Variants in LIG3 observed in about 807,000 individuals in gnomAD.
LIG3 encodes the protein ligase II, DNA, ATP-dependent.
In LIG3, 58 loss-of-function variants were observed where a neutral mutation model predicts 110.9. That is an observed-to-expected ratio of 0.52 (90% CI 0.42 to 0.65). LIG3 has a LOEUF of 0.65. LIG3 is among the 30% of genes least tolerant of loss of function. The pLI is 0.00. For missense variants in LIG3, 1,094 were observed against 1,273.8 expected (o/e 0.86, Z 2.15); for synonymous variants, 422 against 472.8 (o/e 0.89, Z 1.39).
chr17:35,009,418 A>G lies in LIG3; in HGVS notation c.*4912A>G, dbSNP rs1302511668. The G allele has an allele frequency of 6.6e-6, 1 of 152,228 alleles. No homozygotes were observed. Among genetic ancestry groups the G allele is most frequent in the Non-Finnish European group, 1.5e-5 (1 of 68,044 alleles). The allele number at this position is 152,228 out of a possible 1,614,324, so 9.4% of individuals were successfully genotyped here. Reference sequence around the variant, plus strand: ...CAGAGTAATCAGCAAAAGCTACGGAATAATTCTAAGAATTAGATGTTTCCA... The same window carrying G: ...CAGAGTAATCAGCAAAAGCTACGGAGTAATTCTAAGAATTAGATGTTTCCA... On this transcript the variant is annotated 3_prime_UTR_variant, in exon 20 of 20. Coordinates refer to ENST00000378526, the MANE Select transcript of LIG3 (RefSeq NM_013975.4).
At position 34,991,122 on chromosome 17, in the gene LIG3, G is replaced by T; in HGVS notation, c.1041+8G>T. ...GCACGGGACCTAGAGCAGGTCAGAG[G>T]AACGGGAGGGAGGGTAGGCTACATT... On this transcript the variant is annotated splice_region_variant and intron_variant, in intron 5 of 19. Coordinates refer to ENST00000378526, the MANE Select transcript of LIG3 (RefSeq NM_013975.4). The T allele has an allele frequency of 6.2e-7, 1 of 1,613,690 alleles. No individual in the cohort carries two copies. The highest frequency in any genetic ancestry group is 1.1e-5 in the South Asian group (1 of 91,046).
chr17:35,003,737 C>G lies in LIG3; in HGVS notation c.2797-536C>G, dbSNP rs3136033. ...GATTGACACCCATGTCATTGCGCCC[C>G]CACGCTCCCCACCGCCATCCAGGAG... On this transcript the variant is annotated intron_variant, in intron 19 of 19. Coordinates refer to ENST00000378526, the MANE Select transcript of LIG3 (RefSeq NM_013975.4). 461 of 157,880 alleles carry G rather than the reference C, an allele frequency of 2.9e-3. 2 individuals carry two copies. Among genetic ancestry groups the G allele is most frequent in the Non-Finnish European group, 4.8e-3 (340 of 71,390 alleles). The allele number at this position is 157,880 out of a possible 1,614,324, so 9.8% of individuals were successfully genotyped here.
At position 34,992,645 on chromosome 17, in the gene LIG3, G is replaced by A; in HGVS notation, c.1408G>A (p.Ala470Thr). 1 of 1,613,044 alleles carries A rather than the reference G, an allele frequency of 6.2e-7. No homozygotes were observed. The highest frequency in any genetic ancestry group is 1.1e-5 in the South Asian group (1 of 90,934). ...GGAGAAGGAGCCGGGCCAGAGACGA[G>A]CTCTGAGCGTCCAGGCCTCGCTGAT... ...EVEKEPGQRR[A>T]LSVQASLMTP... Residue 470 changes from alanine (A) to threonine (T), a missense_variant, in exon 8 of 20, where the codon GCT becomes ACT. Ala to Thr is a moderately conservative substitution (Grantham distance 58, BLOSUM62 0). Transcript: ENST00000378526.
chr17:34,989,372 C>A, intron 3 of LIG3, 94 bp from the exon 4 acceptor site: 1 of 1,149,256 alleles, frequency 8.7e-7, no homozygotes, highest in South Asian at 1.4e-5. Flanking sequence ...TTAAATAAAG[C>A]TAAATACCAG....
Position 35,006,571 on chromosome 17 carries a change from A to C in LIG3, c.*2065A>C, listed in dbSNP as rs547124436. ...GTTGGGAACGTCACTCCTGGTGTGC[A>C]TGTCCAGACCCTACCCGGGAGAAGG... On this transcript the variant is annotated 3_prime_UTR_variant, in exon 20 of 20. Transcript: ENST00000378526. The C allele has an allele frequency of 6.6e-6, 1 of 152,256 alleles. No homozygotes were observed. The highest frequency in any genetic ancestry group is 1.5e-5 in the Non-Finnish European group (1 of 68,080). The allele number at this position is 152,256 out of a possible 1,614,324, so 9.4% of individuals were successfully genotyped here. A position where few individuals can be genotyped will look rare whatever the true frequency, so the allele number is the denominator to read the frequency against.
At chr17:34,991,185 C>G (rs965377911) in intron 5 of LIG3, 71 bp downstream of exon 5, 1 of 1,139,598 alleles carries the variant, frequency 8.8e-7, no homozygotes, top group Admixed American at 2.5e-5. Flanking sequence ...CCTGCAGCCT[C>G]TTTTTTTTTT....
In LIG3 at chr17:34,980,556, G is replaced by T; in HGVS notation, c.-71G>T. The T allele has an allele frequency of 7.8e-7, 1 of 1,287,730 alleles. No individual in the cohort carries two copies. Among genetic ancestry groups the T allele is most frequent in the Non-Finnish European group, 1.0e-6 (1 of 987,832 alleles). The allele number at this position is 1,287,730 out of a possible 1,614,324, so 79.8% of individuals were successfully genotyped here. ...AAGAGACAGGCGCTCCAACCGTCGTGGGCTGCCCGCGGCCTGTAATGAGCA... is the reference window on the plus strand; with the variant it reads ...AAGAGACAGGCGCTCCAACCGTCGTTGGCTGCCCGCGGCCTGTAATGAGCA... On this transcript the variant is annotated 5_prime_UTR_variant, in exon 1 of 20. Coordinates refer to ENST00000378526, the MANE Select transcript of LIG3 (RefSeq NM_013975.4).
At position 34,999,822 on chromosome 17, in the gene LIG3, TCTA is replaced by T. The variant is rs755094217; in HGVS notation, c.2301_2303del (p.Tyr768del). The T allele has an allele frequency of 2.5e-5, 40 of 1,614,112 alleles. No individual in the cohort carries two copies. The highest frequency in any genetic ancestry group is 3.1e-5 in the Non-Finnish European group (37 of 1,180,012). On this transcript the variant is annotated inframe_deletion, in exon 16 of 20. Transcript: ENST00000378526. The stretch of plus-strand genomic sequence containing the variant: ...CCCAGCTGGTTGAAGGTCAACAAGA[TCTA>T]CTATCCTGACTTCATCGTCCCAGAC...
chr17:34,991,758 G>A lies in LIG3; in HGVS notation c.1129G>A (p.Val377Met), dbSNP rs753141423. The A allele has an allele frequency of 1.2e-5, 19 of 1,613,980 alleles. No homozygotes were observed. The Admixed American group carries it at 3.2e-4, about 27-fold the overall frequency. The change falls in exon 6 of 20, where the codon GTG becomes ATG. Residue 377 changes from valine (V) to methionine (M), a missense_variant. Val to Met is a conservative substitution (Grantham distance 21, BLOSUM62 1). Transcript: ENST00000378526. ...CAAGAGCCTCCTTACCATCCAGGAA[G>A]TGGATGAGTTCCTTCTGCGGCTGTC... is the stretch of plus-strand genomic sequence containing the variant. Reference protein sequence around the residue: ...AAKSLLTIQEVDEFLLRLSKL... With the variant: ...AAKSLLTIQEMDEFLLRLSKL...
chr17:35,002,187 C>T (rs1451359152), intron 18 of LIG3, 83 bp downstream of exon 18: 5 of 1,194,868 alleles, frequency 4.2e-6, no homozygotes, highest in Non-Finnish European at 4.6e-6. Flanking sequence ...GTCTCACATT[C>T]CAGCCCTGAG....
chr17:34,986,159 G>C (rs752963351), intron 3 of LIG3, 28 bp downstream of exon 3: 3 of 1,607,694 alleles, frequency 1.9e-6, no homozygotes, highest in Non-Finnish European at 2.6e-6. Context: ...TACTTTAGCT[G>C]TTATAGTGCT....
Position 35,008,675 on chromosome 17 carries a change from A to G in LIG3, c.*4169A>G, listed in dbSNP as rs2090914227. ...GAGACAGAGTCTCGCTCTTTCGCCC[A>G]GGCCGGACTGCAGTGGCGCAATCTT... On this transcript the variant is annotated 3_prime_UTR_variant, in exon 20 of 20. Coordinates refer to ENST00000378526, the MANE Select transcript of LIG3 (RefSeq NM_013975.4). 6.6e-6 allele frequency: 1 copy of G among 151,850 alleles called. No homozygotes were observed. Among genetic ancestry groups the G allele is most frequent in the South Asian group, 2.1e-4 (1 of 4,816 alleles). The allele number at this position is 151,850 out of a possible 1,614,324, so 9.4% of individuals were successfully genotyped here. A position where few individuals can be genotyped will look rare whatever the true frequency, so the allele number is the denominator to read the frequency against.
intron 1 of LIG3, chr17:34,981,409 T>TCA (rs1241810696): frequency 6.6e-6 from 1 of 152,230 alleles, no homozygotes; most frequent in African/African-American, 2.4e-5. Context: ...TTTGTGAATA[T>TCA]CACGAAAGTG....
chr17:34,981,492 C>G (rs1448853716), intron 1 of LIG3: 1 of 152,214 alleles, frequency 6.6e-6, no homozygotes, highest in African/African-American at 2.4e-5. Flanking sequence ...GAGCTCAGAA[C>G]AGCCTCCCTC....
At chr17:34,999,955 C>A in intron 16 of LIG3, 99 bp downstream of exon 16, 1 of 935,546 alleles carries the variant, frequency 1.1e-6, no homozygotes, top group Non-Finnish European at 1.7e-6. Flanking sequence ...AAAGTCCACC[C>A]AGGGATAGGG....
chr17:35,001,238 G>T lies in LIG3; in HGVS notation c.2332-19G>T, dbSNP rs769733262. 2 of 1,611,746 alleles carry T rather than the reference G, an allele frequency of 1.2e-6. No homozygotes were observed. Among genetic ancestry groups the T allele is most frequent in the Non-Finnish European group, 1.7e-6 (2 of 1,178,038 alleles). On this transcript the variant is annotated intron_variant, in intron 16 of 19. Transcript: ENST00000378526. ...CTATCTTCTTAACCAGTGATGACCT[G>T]CTGGCTTACTCCTGACAGAAAGCTG... is the stretch of plus-strand genomic sequence containing the variant.
chr17:34,994,503 C>A, intron 9 of LIG3, 72 bp downstream of exon 9: 1 of 1,440,214 alleles, frequency 6.9e-7, no homozygotes, highest in Non-Finnish European at 9.5e-7. Flanking sequence ...GGCCAGAGTC[C>A]CATAGCCATT....
At chr17:34,998,370 C>T in intron 13 of LIG3, 74 bp downstream of exon 13, 2 of 1,365,174 alleles carry the variant, frequency 1.5e-6, no homozygotes. Flanking sequence ...CAGCCCTGAC[C>T]AGGAGATGGC....
chr17:35,001,825 G>A (rs746407539), intron 17 of LIG3, 84 bp from the exon 18 acceptor site: 205 of 1,247,164 alleles, frequency 1.6e-4, no homozygotes, highest in Non-Finnish European at 2.2e-4. Context: ...TCCCATATGC[G>A]CCTAAAATAC....
Sources: allele counts gnomAD v4.1 joint callset, GRCh38; gene constraint gnomAD v4.1.1; transcripts MANE v1.5; gene names NCBI Gene and HGNC (gene_info 2026-07-23, HGNC 2026-07-21).